The following RRBP1 variants were observed in gnomAD, a reference collection of about 807,000 sequenced individuals.
RRBP1 encodes the protein ribosome binding protein 1, also known as ribosome-binding protein 1.
A neutral mutation model predicts 165.2 loss-of-function variants in RRBP1; 94 were observed. The observed-to-expected ratio is 0.57, with a 90% CI of 0.48 to 0.68. The LOEUF is 0.68. Among genes scored for constraint, RRBP1 ranks in the 30% least tolerant of loss-of-function variants. The pLI is 0.00. For synonymous variants in RRBP1, 680 were observed against 714.5 expected (o/e 0.95, Z 0.77); for missense variants, 1,676 against 1,763.0 (o/e 0.95, Z 0.88).
intron 19 of RRBP1, 44 bp downstream of exon 19, chr20:17,619,589 A>AG: frequency 7.0e-7 from 1 of 1,425,810 alleles, no homozygotes; most frequent in Non-Finnish European, 9.7e-7. Context: ...GGAGGACCGC[A>AG]GATCTGCTGG....
chr20:17,679,083 C>A (rs1431515821), intron 2 of RRBP1, among the ~76,000 whole-genome samples: 1 of 152,192 alleles, frequency 6.6e-6, no homozygotes, highest in Non-Finnish European at 1.5e-5. Context: ...AGCAACTGGG[C>A]AACAGGAACT....
In RRBP1 at chr20:17,658,989, T is replaced by G; in HGVS notation, c.1519A>C (p.Asn507His). 3 of 1,611,084 alleles carry G rather than the reference T, an allele frequency of 1.9e-6. No homozygotes were observed. The Admixed American group carries it at 5.0e-5, about 27-fold the overall frequency. ...GCTCCCTCTCCTTTTTGGCCCTGGT[T>G]CTGGGCTCCCTCGGCCTTTTTGCCC... ...NQGKKAEGAQ[N>H]QGQKGEGAQN... Residue 507 changes from asparagine (N) to histidine (H), a missense_variant, in exon 3 of 25, where the codon AAC becomes CAC. By Grantham distance (68) the Asn-to-His change is moderately conservative. Coordinates refer to ENST00000377813, the MANE Select transcript of RRBP1 (RefSeq NM_001365613.2).
At chr20:17,628,039 T>C (rs1272315728) in intron 9 of RRBP1, among the ~76,000 whole-genome samples, 1 of 152,090 alleles carries the variant, frequency 6.6e-6, no homozygotes, top group Non-Finnish European at 1.5e-5. Context: ...AGAAAGTGGC[T>C]AGGTGGACCC....
intron 2 of RRBP1, among the ~76,000 whole-genome samples, chr20:17,665,008 C>T (rs1340658903): frequency 5.9e-5 from 9 of 152,258 alleles, no homozygotes; most frequent in Non-Finnish European, 1.2e-4. Context: ...TATGAACATC[C>T]ATTAGCCTAC....
chr20:17,655,903 C>T (rs761749510), intron 3 of RRBP1, among the ~76,000 whole-genome samples: 4 of 152,202 alleles, frequency 2.6e-5, no homozygotes, highest in Non-Finnish European at 4.4e-5. Flanking sequence ...ACATGTGGTA[C>T]GTGGGACCCA....
At chr20:17,663,725 C>T (rs1004789411) in intron 2 of RRBP1, among the ~76,000 whole-genome samples, 2 of 152,206 alleles carry the variant, frequency 1.3e-5, no homozygotes, top group Non-Finnish European at 2.9e-5. Context: ...GGATGCCTCT[C>T]AAATTCGGTT....
chr20:17,667,640 C>T (rs1019033749), intron 2 of RRBP1, among the ~76,000 whole-genome samples: 1 of 152,202 alleles, frequency 6.6e-6, no homozygotes, highest in Non-Finnish European at 1.5e-5. Context: ...AGGTCTGCTG[C>T]CCTTCCCCAT....
Position 17,614,177 on chromosome 20 carries a change from G to A in RRBP1, c.*5C>T, listed in dbSNP as rs775486059. The A allele has an allele frequency of 1.2e-6, 2 of 1,613,914 alleles. No homozygotes were observed. The highest frequency in any genetic ancestry group is 8.5e-7 in the Non-Finnish European group (1 of 1,179,906). On this transcript the variant is annotated 3_prime_UTR_variant, in exon 25 of 25. Transcript: ENST00000377813. ...AACAGTAACTTCTTTTTCCAAAGAGGAAACTCAGACAGAGGTGCCCTCCTT... is the reference window on the plus strand; with the variant it reads ...AACAGTAACTTCTTTTTCCAAAGAGAAAACTCAGACAGAGGTGCCCTCCTT...
In RRBP1 at chr20:17,627,397, A is replaced by G. The variant is rs1259549617; in HGVS notation, c.2929-15T>C. 9 of 1,613,742 alleles carry G rather than the reference A, an allele frequency of 5.6e-6. No individual in the cohort carries two copies. The highest frequency in any genetic ancestry group is 1.3e-5 in the African/African-American group (1 of 74,938). ...GCCTGGCTGGCCTGGAATGAGAGAC[A>G]AAAGCTCCTTGGTCTCCAGGAGACT... On this transcript the variant is annotated splice_polypyrimidine_tract_variant and intron_variant, in intron 10 of 24. Coordinates refer to ENST00000377813, the MANE Select transcript of RRBP1 (RefSeq NM_001365613.2).
At chr20:17,647,586 G>A (rs1021820284) in intron 3 of RRBP1, among the ~76,000 whole-genome samples, 1 of 152,204 alleles carries the variant, frequency 6.6e-6, no homozygotes, top group African/African-American at 2.4e-5. Context: ...GCCTATCCCC[G>A]CTGGGTCCTA....
rs141057488 is a variant in RRBP1 at position 17,634,132 on chromosome 20, C to T, written c.2457-519G>A. Among the ~76,000 whole-genome samples, 25 of 152,298 alleles carry T rather than the reference C, an allele frequency of 1.6e-4. 1 individual carries two copies. Among genetic ancestry groups the T allele is most frequent in the African/African-American group, 4.6e-4 (19 of 41,556 alleles). On this transcript the variant is annotated intron_variant, in intron 7 of 24. Coordinates refer to ENST00000377813, the MANE Select transcript of RRBP1 (RefSeq NM_001365613.2). ...GTCTCAGGAGCTGGGAGGAATGTTC[C>T]GGAGTTACAGAAGGAGACTTAAAGG...
At chr20:17,635,753 A>G in intron 6 of RRBP1, 89 bp from the exon 7 acceptor site, 1 of 941,306 alleles carries the variant, frequency 1.1e-6, no homozygotes, top group Non-Finnish European at 1.7e-6. Flanking sequence ...GACACAGCCC[A>G]CAAAAGAAAA....
At chr20:17,635,694 G>A (rs1429431784) in intron 6 of RRBP1, 30 bp from the exon 7 acceptor site, 1 of 1,562,104 alleles carries the variant, frequency 6.4e-7, no homozygotes, top group South Asian at 1.1e-5. Flanking sequence ...GGCATCAGAG[G>A]CAGCTCGGCC....
chr20:17,627,711 T>TA lies in RRBP1; in HGVS notation c.2750-30dup, dbSNP rs200841517. 1,457 of 1,557,772 alleles carry TA rather than the reference T, an allele frequency of 9.4e-4. 37 individuals carry two copies. The East Asian group carries it at 0.029, about 31-fold the overall frequency. Reference sequence around the variant, plus strand: ...GTGCAGAGGAAGGGAAACGAGAAGTTAAGAGACTGCAAACCCCAGGGGGTG... The same window carrying TA: ...GTGCAGAGGAAGGGAAACGAGAAGTTAAAGAGACTGCAAACCCCAGGGGGTG... On this transcript the variant is annotated intron_variant, in intron 9 of 24. Transcript: ENST00000377813.
At chr20:17,650,470 T>C (rs1442872557) in intron 3 of RRBP1, among the ~76,000 whole-genome samples, 1 of 152,160 alleles carries the variant, frequency 6.6e-6, no homozygotes, top group Non-Finnish European at 1.5e-5. Context: ...AGAAGTGCCA[T>C]GTCCCCAGGG....
chr20:17,654,856 G>A (rs982052000), intron 3 of RRBP1, among the ~76,000 whole-genome samples: 7 of 152,228 alleles, frequency 4.6e-5, no homozygotes, highest in African/African-American at 1.7e-4. Context: ...CAGCAAGCAG[G>A]AGCAGGAGTT....
intron 2 of RRBP1, among the ~76,000 whole-genome samples, chr20:17,674,670 G>A (rs775809433): frequency 2.0e-5 from 3 of 152,074 alleles, no homozygotes; most frequent in Non-Finnish European, 4.4e-5. Flanking sequence ...TGAGGCAGGA[G>A]AATGGCATGA....
At chr20:17,670,535 T>TA (rs2036958230) in intron 2 of RRBP1, among the ~76,000 whole-genome samples, 1 of 152,168 alleles carries the variant, frequency 6.6e-6, no homozygotes, top group Non-Finnish European at 1.5e-5. Context: ...CCTTCCAACT[T>TA]AGATGTTACT....
At position 17,629,807 on chromosome 20, in the gene RRBP1, C is replaced by A; in HGVS notation, c.2749+16G>T. On this transcript the variant is annotated intron_variant, in intron 9 of 24. Coordinates refer to ENST00000377813, the MANE Select transcript of RRBP1 (RefSeq NM_001365613.2). ...ACCCTGCACTGAACCCCCGGCCCCA[C>A]TGCCGCCGCCCTTACCGGCCATCTG... 6.3e-7 allele frequency: 1 copy of A among 1,591,502 alleles called. No individual in the cohort carries two copies. The highest frequency in any genetic ancestry group is 1.1e-5 in the South Asian group (1 of 90,426).
Sources: allele counts gnomAD v4.1 joint callset (sites outside exome capture counted in the v4.1 genomes callset), GRCh38; gene constraint gnomAD v4.1.1; transcripts MANE v1.5; gene names NCBI Gene and HGNC (gene_info 2026-07-23, HGNC 2026-07-21).